CATSPER3: variants seen among roughly 807,000 people sequenced by gnomAD.
The protein encoded by CATSPER3 is cation channel sperm-associated protein 3.
Under a neutral mutation model 36.6 loss-of-function variants are expected in CATSPER3, and 23 were observed. The ratio of observed to expected loss-of-function variants is 0.63; its 90% CI spans 0.45 to 0.89. CATSPER3 has a LOEUF of 0.89. CATSPER3 is among the 40% of genes least tolerant of loss of function. The pLI, the probability that CATSPER3 is intolerant of heterozygous loss-of-function variation, is 0.00. For missense variants in CATSPER3, 474 were observed against 503.9 expected (o/e 0.94, Z 0.57); for synonymous variants, 172 against 184.1 (o/e 0.93, Z 0.53).
intron 2 of CATSPER3, among the ~76,000 whole-genome samples, chr5:134,971,282 A>ATGG (rs775936978): frequency 1.3e-4 from 19 of 151,838 alleles, no homozygotes; most frequent in Non-Finnish European, 2.5e-4. Context: ...AAAGTTGGGC[A>ATGG]TGGTGGTGCA....
At chr5:134,988,826 T>C (rs1210590519) in intron 2 of CATSPER3, among the ~76,000 whole-genome samples, 1 of 152,122 alleles carries the variant, frequency 6.6e-6, no homozygotes, top group African/African-American at 2.4e-5. Context: ...CTGAATGTTC[T>C]TAATGGCATC....
Position 135,009,493 on chromosome 5 carries a change from G to T in CATSPER3, c.936+3G>T, listed in dbSNP as rs779928001. 31 of 1,402,072 alleles carry T rather than the reference G, an allele frequency of 2.2e-5. No homozygotes were observed. Among genetic ancestry groups the T allele is most frequent in the Non-Finnish European group, 2.5e-5 (27 of 1,069,680 alleles). 86.9% of individuals were successfully genotyped at this position (1,402,072 alleles called of 1,614,324 possible). A position where few individuals can be genotyped will look rare whatever the true frequency, so the allele number is the denominator to read the frequency against. The stretch of plus-strand genomic sequence containing the variant: ...TCAGCAGGCTGATGCACATACAGGT[G>T]AGTGGCCCCTGCAGGCAGGTGGACA... On this transcript the variant is annotated splice_donor_region_variant and intron_variant, in intron 6 of 7. Coordinates refer to ENST00000282611, the MANE Select transcript of CATSPER3 (RefSeq NM_178019.3).
In CATSPER3 at chr5:134,969,736, CTGAG is replaced by C. The variant is rs149386608; in HGVS notation, c.99-198_99-195del. 3.6e-3 allele frequency: 2,186 copies of C among 600,764 alleles called. 25 individuals carry two copies. Among genetic ancestry groups the C allele is most frequent in the East Asian group, 0.029 (996 of 33,964 alleles). 37.2% of individuals were successfully genotyped at this position (600,764 alleles called of 1,614,324 possible). ...GGTCCAGGGAGAGGGAGCTAAGTAA[CTGAG>C]TGAGGACAGAGTATCCATGATCATC... On this transcript the variant is annotated intron_variant, in intron 1 of 7. Transcript: ENST00000282611.
chr5:134,996,412 T>C lies in CATSPER3; in HGVS notation c.392T>C (p.Leu131Pro). Residue 131 changes from leucine to proline, a missense_variant, in exon 3 of 8, where the codon CTC (leucine) becomes CCC (proline). Leu to Pro is a moderately conservative substitution (Grantham distance 98, BLOSUM62 -3). Transcript: ENST00000282611. ...ATCGTTATGTTTTTACCCTATGCCC[T>C]CCGCCAGCTCATGGGCAAACAGTTC... Reference protein sequence around the residue: ...IIIVMFLPYALRQLMGKQFTY... With the variant: ...IIIVMFLPYAPRQLMGKQFTY... The C allele has an allele frequency of 6.2e-7, 1 of 1,614,170 alleles. No individual in the cohort carries two copies. The highest frequency in any genetic ancestry group is 8.5e-7 in the Non-Finnish European group (1 of 1,179,972).
rs370126046 is a variant in CATSPER3 at position 135,005,397 on chromosome 5, G to C, written c.493-2560G>C. ...ATTAAGCAGGGCCTTGCATCCTAGA[G>C]TGATTCCCTGGGGATCACCAGCCAC... On this transcript the variant is annotated intron_variant, in intron 3 of 7. Coordinates refer to ENST00000282611, the MANE Select transcript of CATSPER3 (RefSeq NM_178019.3). Among the ~76,000 whole-genome samples, 4 of 152,210 alleles carry C rather than the reference G, an allele frequency of 2.6e-5. No individual in the cohort carries two copies. In the South Asian group the frequency reaches 8.3e-4, roughly 32 times the overall value.
intron 3 of CATSPER3, among the ~76,000 whole-genome samples, chr5:135,006,927 A>G (rs916130691): frequency 1.8e-4 from 27 of 151,720 alleles, no homozygotes; most frequent in Non-Finnish European, 3.5e-4. Context: ...TCCCAAGGAG[A>G]GATGGGAGGC....
At position 134,987,443 on chromosome 5, in the gene CATSPER3, C is replaced by T. The variant is rs78622648; in HGVS notation, c.253-8830C>T. Among the ~76,000 whole-genome samples, 521 of 152,266 alleles carry T rather than the reference C, an allele frequency of 3.4e-3. 7 individuals are homozygous for T. In the East Asian group the frequency reaches 0.038, roughly 11 times the overall value. ...TAACACCAATTCTTCCCAAACTCTACCAAGAAATAGAAGAGGGAAGACTTC... is the reference window on the plus strand; with the variant it reads ...TAACACCAATTCTTCCCAAACTCTATCAAGAAATAGAAGAGGGAAGACTTC... On this transcript the variant is annotated intron_variant, in intron 2 of 7. Transcript: ENST00000282611.
At chr5:134,968,372 A>G in intron 1 of CATSPER3, 1 of 404,390 alleles carries the variant, frequency 2.5e-6, no homozygotes, top group Non-Finnish European at 4.6e-6. Flanking sequence ...CAGATAATGA[A>G]AATTACATAT....
chr5:134,969,925 C>G lies in CATSPER3; in HGVS notation c.99-14C>G. ...TTGTGCTGTAACCATACTTCACATT[C>G]AACTTTTTGACAGGAGGAACGATGA... On this transcript the variant is annotated splice_polypyrimidine_tract_variant and intron_variant, in intron 1 of 7. Transcript: ENST00000282611. The G allele has an allele frequency of 6.2e-7, 1 of 1,613,948 alleles. No homozygotes were observed. The highest frequency in any genetic ancestry group is 8.5e-7 in the Non-Finnish European group (1 of 1,179,918).
At chr5:134,971,336 G>T (rs781477645) in intron 2 of CATSPER3, among the ~76,000 whole-genome samples, 1 of 151,964 alleles carries the variant, frequency 6.6e-6, no homozygotes, top group Non-Finnish European at 1.5e-5. Context: ...TGGGAGAATT[G>T]CTTGAGCCTG....
At chr5:135,010,632 A>G in intron 7 of CATSPER3, 102 bp downstream of exon 7, 1 of 1,013,398 alleles carries the variant, frequency 9.9e-7, no homozygotes. Flanking sequence ...TGAAGTGCTG[A>G]TGGGCAGTGG....
At chr5:134,980,053 C>G (rs944686254) in intron 2 of CATSPER3, among the ~76,000 whole-genome samples, 1 of 151,552 alleles carries the variant, frequency 6.6e-6, no homozygotes, top group Non-Finnish European at 1.5e-5. Flanking sequence ...ATGATCATAG[C>G]TCACTGCAGC....
intron 2 of CATSPER3, among the ~76,000 whole-genome samples, chr5:134,981,035 GCTCT>G (rs1174136441): frequency 6.6e-6 from 1 of 151,722 alleles, no homozygotes; most frequent in Admixed American, 6.6e-5. Flanking sequence ...TCTCTCTCTT[GCTCT>G]CTTTTTCTTA....
At chr5:135,000,283 G>C (rs1048531464) in intron 3 of CATSPER3, among the ~76,000 whole-genome samples, 1 of 152,186 alleles carries the variant, frequency 6.6e-6, no homozygotes, top group Non-Finnish European at 1.5e-5. Context: ...CTTGATCATG[G>C]TGGATAAGCT....
intron 3 of CATSPER3, among the ~76,000 whole-genome samples, chr5:135,003,621 G>A (rs1458507090): frequency 6.6e-6 from 1 of 152,304 alleles, no homozygotes; most frequent in East Asian, 1.9e-4. Context: ...CTTCCCAGCC[G>A]CTTTGTTTAC....
At chr5:135,000,609 G>A (rs1017016672) in intron 3 of CATSPER3, among the ~76,000 whole-genome samples, 6 of 152,282 alleles carry the variant, frequency 3.9e-5, no homozygotes, top group African/African-American at 1.4e-4. Flanking sequence ...CCTGTTATTG[G>A]TCTATTCAGG....
Position 134,970,001 on chromosome 5 carries a change from T to C in CATSPER3, c.161T>C (p.Ile54Thr). 1 of 1,614,146 alleles carries C rather than the reference T, an allele frequency of 6.2e-7. No homozygotes were observed. Among genetic ancestry groups the C allele is most frequent in the Non-Finnish European group, 8.5e-7 (1 of 1,179,996 alleles). Residue 54 changes from isoleucine (I) to threonine (T), a missense_variant, in exon 2 of 8, where the codon ATA becomes ACA. Physicochemically the swap from Ile to Thr is moderately conservative, Grantham distance 89. Transcript: ENST00000282611. Reference protein sequence around the residue: ...KRVIMSRFFKIIMISTVTSNA... With the variant: ...KRVIMSRFFKTIMISTVTSNA... Reference sequence around the variant, plus strand: ...GTCATAATGAGCCGTTTCTTTAAGATAATTATGATTAGCACTGTCACATCG... The same window carrying C: ...GTCATAATGAGCCGTTTCTTTAAGACAATTATGATTAGCACTGTCACATCG...
intron 3 of CATSPER3, among the ~76,000 whole-genome samples, chr5:135,005,561 G>A (rs1158594816): frequency 1.3e-5 from 2 of 152,162 alleles, no homozygotes; most frequent in African/African-American, 2.4e-5. Context: ...GCCCATGGTC[G>A]GGACTTGTAC....
intron 2 of CATSPER3, among the ~76,000 whole-genome samples, 173 bp downstream of exon 2, chr5:134,970,265 G>A (rs932775283): frequency 2.0e-5 from 3 of 151,670 alleles, no homozygotes; most frequent in African/African-American, 7.3e-5. Context: ...AGGTTCAAGC[G>A]ATTCCTCTGC....
Sources: allele counts gnomAD v4.1 joint callset (sites outside exome capture counted in the v4.1 genomes callset), GRCh38; gene constraint gnomAD v4.1.1; transcripts MANE v1.5; gene names NCBI Gene and HGNC (gene_info 2026-07-23, HGNC 2026-07-21).